Variants in GIPC2 observed in about 807,000 individuals in gnomAD.
The protein encoded by GIPC2 is GIPC PDZ domain containing family member 2.
Under a neutral mutation model 30.6 loss-of-function variants are expected in GIPC2, and 30 were observed. That is an observed-to-expected ratio of 0.98 (90% CI 0.73 to 1.33). GIPC2 has a LOEUF of 1.33. Ranked by LOEUF, GIPC2 falls within the 40% of genes most tolerant of loss-of-function variation. GIPC2 has a pLI of 0.00. For synonymous variants in GIPC2, 167 were observed against 150.0 expected (o/e 1.11, Z -0.83); for missense variants, 414 against 390.3 (o/e 1.06, Z -0.51).
chr1:78,082,932 T>C (rs1039271005), intron 2 of GIPC2, among the ~76,000 whole-genome samples: 7 of 58,296 alleles, frequency 1.2e-4, no homozygotes, highest in African/African-American at 3.8e-4. Flanking sequence ...TTTTGTTCTG[T>C]CTCATACACA....
chr1:78,049,302 T>G (rs1571468621), intron 1 of GIPC2, among the ~76,000 whole-genome samples: 1 of 152,132 alleles, frequency 6.6e-6, no homozygotes, highest in Non-Finnish European at 1.5e-5. Flanking sequence ...GCTGGGATTA[T>G]GCACCACCAT....
At chr1:78,058,459 C>T (rs1288361255) in intron 1 of GIPC2, among the ~76,000 whole-genome samples, 1 of 151,916 alleles carries the variant, frequency 6.6e-6, no homozygotes, top group Non-Finnish European at 1.5e-5. Context: ...ACTCAGAGCG[C>T]TTATTAGGAG....
chr1:78,092,085 TGTCTGTGGGTG>T, intron 2 of GIPC2: 1 of 1,369,084 alleles, frequency 7.3e-7, no homozygotes, highest in Non-Finnish European at 1.0e-6. Flanking sequence ...CCCGGCTTTG[TGTCTGTGGGTG>T]GCCTGTGGTA....
At chr1:78,092,521 C>G (rs190597161) in intron 2 of GIPC2, among the ~76,000 whole-genome samples, 286 of 152,268 alleles carry the variant, frequency 1.9e-3, no homozygotes, top group African/African-American at 6.4e-3. Flanking sequence ...TCCTTTGCAT[C>G]TGATTAGTGC....
chr1:78,050,625 C>A (rs1571469689), intron 1 of GIPC2, among the ~76,000 whole-genome samples: 1 of 151,846 alleles, frequency 6.6e-6, no homozygotes, highest in Non-Finnish European at 1.5e-5. Context: ...TTAATACATA[C>A]CATCTTTTTT....
chr1:78,079,168 AG>A (rs1349909608), intron 1 of GIPC2, among the ~76,000 whole-genome samples: 1 of 152,218 alleles, frequency 6.6e-6, no homozygotes, highest in Non-Finnish European at 1.5e-5. Flanking sequence ...GTTAAATTGA[AG>A]GCTCAACAAA....
chr1:78,101,394 T>G (rs1345287661), intron 3 of GIPC2, among the ~76,000 whole-genome samples: 2 of 152,216 alleles, frequency 1.3e-5, no homozygotes, highest in Non-Finnish European at 1.5e-5. Context: ...TCAACCAGTG[T>G]GTTTAGAACA....
intron 3 of GIPC2, among the ~76,000 whole-genome samples, chr1:78,101,813 T>C (rs1353773854): frequency 6.6e-6 from 1 of 152,214 alleles, no homozygotes; most frequent in African/African-American, 2.4e-5. Flanking sequence ...GGCTTTACAA[T>C]GAGCTCAACC....
At chr1:78,071,805 A>C (rs937738655) in intron 1 of GIPC2, among the ~76,000 whole-genome samples, 1 of 152,212 alleles carries the variant, frequency 6.6e-6, no homozygotes, top group Non-Finnish European at 1.5e-5. Flanking sequence ...CCCGAATTCT[A>C]GTTCTGACTT....
chr1:78,111,416 T>A (rs1662463188), intron 3 of GIPC2, among the ~76,000 whole-genome samples: 1 of 152,150 alleles, frequency 6.6e-6, no homozygotes, highest in African/African-American at 2.4e-5. Flanking sequence ...GGACCTCAGA[T>A]GGAGCAATGG....
At chr1:78,122,820 A>T (rs180951663) in intron 4 of GIPC2, among the ~76,000 whole-genome samples, 10 of 152,348 alleles carry the variant, frequency 6.6e-5, no homozygotes, top group Admixed American at 6.5e-4. Context: ...AAAGAAGAAT[A>T]AAAACCCTGT....
intron 1 of GIPC2, chr1:78,069,000 C>A: frequency 1.2e-6 from 1 of 854,542 alleles, no homozygotes; most frequent in Non-Finnish European, 1.4e-6. Flanking sequence ...TCTAAGTGCT[C>A]TGCCTCCCCT....
In GIPC2 at chr1:78,135,703, T is replaced by A. The variant is rs1400111929; in HGVS notation, c.908T>A (p.Val303Asp). The A allele has an allele frequency of 6.2e-7, 1 of 1,613,766 alleles. No homozygotes were observed. The highest frequency in any genetic ancestry group is 2.2e-5 in the East Asian group (1 of 44,886). Residue 303 changes from valine (V) to aspartate (D), a missense_variant, in exon 6 of 6, where the codon GTT becomes GAT. By Grantham distance (152) the Val-to-Asp change is radical. Transcript: ENST00000370759. ...TTCCCAGACGAATTTGTCTTTGATG[T>A]TTGGGGAGTCATTGGTGATGCCAAA... ...FAFPDEFVFD[V>D]WGVIGDAKRR...
At chr1:78,120,245 C>T (rs1235559231) in intron 4 of GIPC2, among the ~76,000 whole-genome samples, 1 of 152,224 alleles carries the variant, frequency 6.6e-6, no homozygotes, top group African/African-American at 2.4e-5. Context: ...TCTCATTTCC[C>T]ATCCCTTTGC....
intron 1 of GIPC2, among the ~76,000 whole-genome samples, chr1:78,046,611 A>G (rs1196753323): frequency 6.6e-5 from 10 of 151,968 alleles, no homozygotes; most frequent in African/African-American, 2.4e-4. Flanking sequence ...TCCGCTTGCA[A>G]ATGTGTTTGC....
At chr1:78,072,441 A>G (rs1661638600) in intron 1 of GIPC2, among the ~76,000 whole-genome samples, 3 of 147,092 alleles carry the variant, frequency 2.0e-5, no homozygotes. Context: ...GGGGGCAATT[A>G]TGTAGCATAA....
Position 78,135,576 on chromosome 1 carries a change from A to G in GIPC2, c.797-16A>G. The G allele has an allele frequency of 6.9e-7, 1 of 1,458,390 alleles. No homozygotes were observed. Among genetic ancestry groups the G allele is most frequent in the Non-Finnish European group, 9.3e-7 (1 of 1,077,474 alleles). The allele number at this position is 1,458,390 out of a possible 1,614,324, so 90.3% of individuals were successfully genotyped here. Reference sequence around the variant, plus strand: ...TATTTCATTTATTGTTAATTTTTTAATATTATTTTTGATAGCCACCACAAT... The same window carrying G: ...TATTTCATTTATTGTTAATTTTTTAGTATTATTTTTGATAGCCACCACAAT... On this transcript the variant is annotated splice_polypyrimidine_tract_variant and intron_variant, in intron 5 of 5. Coordinates refer to ENST00000370759, the MANE Select transcript of GIPC2 (RefSeq NM_017655.6).
chr1:78,048,018 A>G (rs534614496), intron 1 of GIPC2, among the ~76,000 whole-genome samples: 1 of 152,318 alleles, frequency 6.6e-6, no homozygotes, highest in African/African-American at 2.4e-5. Context: ...TGGGTTTATG[A>G]TAGTTAGACT....
At chr1:78,057,129 A>T (rs1380375341) in intron 1 of GIPC2, among the ~76,000 whole-genome samples, 1 of 152,246 alleles carries the variant, frequency 6.6e-6, no homozygotes, top group Non-Finnish European at 1.5e-5. Context: ...ATATTGAATG[A>T]ATAAAATCAA....
Sources: gnomAD v4.1 joint callset for allele counts (sites outside exome capture counted in the v4.1 genomes callset) on GRCh38, gnomAD v4.1.1 for gene constraint, MANE v1.5 for transcripts, NCBI Gene and HGNC (gene_info 2026-07-23, HGNC 2026-07-21) for gene names.